Variants in APPBP2 observed in about 807,000 individuals in gnomAD.
APPBP2 encodes amyloid protein-binding protein 2.
APPBP2 carries 15 observed loss-of-function variants against 76.0 expected under a neutral mutation model. That is an observed-to-expected ratio of 0.20 (90% confidence interval 0.13 to 0.30). APPBP2 has a LOEUF of 0.30. Ranked by LOEUF, APPBP2 falls within the 10% of genes least tolerant of loss-of-function variation. The pLI, the probability that APPBP2 is intolerant of heterozygous loss-of-function variation, is 1.00. For synonymous variants in APPBP2, 222 were observed against 242.2 expected (o/e 0.92, Z 0.77); for missense variants, 401 against 687.2 (o/e 0.58, Z 4.66).
At chr17:60,514,650 A>G (rs1170092431) in intron 1 of APPBP2, among the ~76,000 whole-genome samples, 4 of 152,170 alleles carry the variant, frequency 2.6e-5, no homozygotes, top group Non-Finnish European at 5.9e-5. Context: ...CTGCTTATGA[A>G]CAAACACTGA....
chr17:60,513,344 A>C, intron 1 of APPBP2: 1 of 609,258 alleles, frequency 1.6e-6, no homozygotes, highest in Non-Finnish European at 3.0e-6. Context: ...ACACACCTGA[A>C]ACTAGAGGAA....
chr17:60,448,024 T>TA (rs2090363895), intron 12 of APPBP2, among the ~76,000 whole-genome samples, 190 bp from the exon 13 acceptor site: 2 of 152,100 alleles, frequency 1.3e-5, no homozygotes, highest in Admixed American at 1.3e-4. Context: ...CACTAAGACT[T>TA]AAAAAAAATT....
chr17:60,470,454 C>T (rs568111562), intron 4 of APPBP2, among the ~76,000 whole-genome samples: 25 of 152,214 alleles, frequency 1.6e-4, no homozygotes, highest in Admixed American at 9.8e-4. Flanking sequence ...TTAATAGAGA[C>T]AAGGTCTTGC....
chr17:60,467,612 G>A (rs772156732), intron 4 of APPBP2, among the ~76,000 whole-genome samples: 8 of 152,136 alleles, frequency 5.3e-5, no homozygotes, highest in Non-Finnish European at 8.8e-5. Flanking sequence ...GATAAAATAC[G>A]TAAGACTTTC....
intron 3 of APPBP2, 58 bp downstream of exon 3, chr17:60,494,408 G>C (rs1185241886): frequency 4.5e-6 from 7 of 1,563,086 alleles, no homozygotes; most frequent in Non-Finnish European, 6.0e-6. Context: ...TTCTTTGTTA[G>C]CAGATTTAAT....
intron 3 of APPBP2, among the ~76,000 whole-genome samples, chr17:60,483,246 A>G (rs533889049): frequency 5.3e-4 from 80 of 152,214 alleles, no homozygotes; most frequent in African/African-American, 1.8e-3. Flanking sequence ...GTGTCTGCTC[A>G]TGTCCTTTGC....
intron 1 of APPBP2, among the ~76,000 whole-genome samples, chr17:60,522,486 G>T (rs1360704312): frequency 6.6e-6 from 1 of 152,056 alleles, no homozygotes; most frequent in Non-Finnish European, 1.5e-5. Flanking sequence ...ACCATGCCTG[G>T]ATAACTTTTT....
chr17:60,506,264 G>A (rs994878101), intron 1 of APPBP2, among the ~76,000 whole-genome samples: 6 of 152,180 alleles, frequency 3.9e-5, no homozygotes, highest in African/African-American at 1.2e-4. Context: ...AAAGTGCTGG[G>A]ATTACCGGCC....
intron 1 of APPBP2, among the ~76,000 whole-genome samples, chr17:60,504,446 TAAAG>T (rs2090850698): frequency 6.6e-6 from 1 of 152,104 alleles, no homozygotes; most frequent in South Asian, 2.1e-4. Flanking sequence ...AATTACTTAA[TAAAG>T]AGTGCATAAA....
intron 3 of APPBP2, among the ~76,000 whole-genome samples, chr17:60,487,871 T>A (rs183947331): frequency 6.6e-6 from 1 of 152,250 alleles, no homozygotes; most frequent in Non-Finnish European, 1.5e-5. Context: ...GACCTACAGG[T>A]GGGGTTTTGG....
At chr17:60,451,313 CAT>C (rs889521975) in intron 12 of APPBP2, among the ~76,000 whole-genome samples, 1 of 152,164 alleles carries the variant, frequency 6.6e-6, no homozygotes, top group Non-Finnish European at 1.5e-5. Context: ...TTTGCCTACA[CAT>C]GACAGTCTAC....
In APPBP2 at chr17:60,525,869, G is replaced by T. The variant is rs1176537507; in HGVS notation, c.63C>A (p.Val21=). 2 of 1,614,104 alleles carry T rather than the reference G, an allele frequency of 1.2e-6. No homozygotes were observed. Among genetic ancestry groups the T allele is most frequent in the East Asian group, 4.5e-5 (2 of 44,882 alleles). Reference sequence around the variant, plus strand: ...GGCGGGAGCGGATGTAGTTGTCCACGACAGCGGAGATGGCGGTGTTATAGA... The same window carrying T: ...GGCGGGAGCGGATGTAGTTGTCCACTACAGCGGAGATGGCGGTGTTATAGA... ...ETLYNTAISA[V]VDNYIRSRRD... The change falls in exon 1 of 13, where the codon GTC becomes GTA. Residue 21 remains valine (V), a synonymous_variant. Coordinates refer to ENST00000083182, the MANE Select transcript of APPBP2 (RefSeq NM_006380.5).
chr17:60,461,714 A>C (rs2090477070), intron 8 of APPBP2, 96 bp downstream of exon 8: 3 of 880,026 alleles, frequency 3.4e-6, no homozygotes. Context: ...GGTAGTTGTC[A>C]AAAAGTCATT....
intron 3 of APPBP2, among the ~76,000 whole-genome samples, chr17:60,481,563 C>A (rs2090629214): frequency 6.6e-6 from 1 of 152,148 alleles, no homozygotes; most frequent in African/African-American, 2.4e-5. Flanking sequence ...TTATTTGGTT[C>A]TTAGTTTGAC....
chr17:60,522,166 A>T lies in APPBP2; in HGVS notation c.138+3628T>A, dbSNP rs570525774. 8.3e-4 allele frequency among the ~76,000 whole-genome samples: 126 copies of T among 152,256 alleles called. 3 individuals carry two copies. The highest frequency in any genetic ancestry group is 3.4e-3 in the Middle Eastern group (1 of 294). On this transcript the variant is annotated intron_variant, in intron 1 of 12. Coordinates refer to ENST00000083182, the MANE Select transcript of APPBP2 (RefSeq NM_006380.5). ...TGATTTTTATTAACTATTCTTTTACACATTTTTAGTCACCTTCCCTTCTCA... is the reference window on the plus strand; with the variant it reads ...TGATTTTTATTAACTATTCTTTTACTCATTTTTAGTCACCTTCCCTTCTCA...
chr17:60,509,392 A>AT (rs1491502389), intron 1 of APPBP2, among the ~76,000 whole-genome samples: 5 of 152,166 alleles, frequency 3.3e-5, no homozygotes, highest in African/African-American at 1.2e-4. Flanking sequence ...AAAAAAAAAA[A>AT]CATGTTTGAA....
rs928858008 is a variant in APPBP2 at position 60,445,309 on chromosome 17, A to G, written c.*2272T>C. 2.0e-5 allele frequency: 3 copies of G among 152,646 alleles called. No homozygotes were observed. Among genetic ancestry groups the G allele is most frequent in the African/African-American group, 7.2e-5 (3 of 41,452 alleles). 9.5% of individuals were successfully genotyped at this position (152,646 alleles called of 1,614,324 possible). A position where few individuals can be genotyped will look rare whatever the true frequency, so the allele number is the denominator to read the frequency against. On this transcript the variant is annotated 3_prime_UTR_variant, in exon 13 of 13. Coordinates refer to ENST00000083182, the MANE Select transcript of APPBP2 (RefSeq NM_006380.5). ...TATCACCCTGTGATCCTAGGCTTCTACATACCATGTTGTTTTATCACTGAG... is the reference window on the plus strand; with the variant it reads ...TATCACCCTGTGATCCTAGGCTTCTGCATACCATGTTGTTTTATCACTGAG...
intron 1 of APPBP2, chr17:60,513,121 C>A (rs1567941529): frequency 1.1e-5 from 3 of 266,846 alleles, no homozygotes; most frequent in Admixed American, 5.3e-5. Context: ...TGAAACCCAG[C>A]GAGCTCGGAA....
At chr17:60,463,944 A>C in intron 6 of APPBP2, 77 bp downstream of exon 6, 1 of 1,027,760 alleles carries the variant, frequency 9.7e-7, no homozygotes, top group Non-Finnish European at 1.4e-6. Flanking sequence ...TAAAATGTTA[A>C]ATAACAGGTT....
Sources: allele counts gnomAD v4.1 joint callset (sites outside exome capture counted in the v4.1 genomes callset), GRCh38; gene constraint gnomAD v4.1.1; transcripts MANE v1.5; gene names NCBI Gene and HGNC (gene_info 2026-07-23, HGNC 2026-07-21).